The following PTPRJ variants were observed in gnomAD, a reference collection of about 807,000 sequenced individuals.
PTPRJ encodes receptor-type tyrosine-protein phosphatase eta.
In PTPRJ, 129 loss-of-function variants were observed where a neutral mutation model predicts 141.3. That is an observed-to-expected ratio of 0.91 (90% CI 0.79 to 1.06). PTPRJ has a LOEUF of 1.06. PTPRJ is among the 50% of genes least tolerant of loss of function. PTPRJ has a pLI of 0.00. For synonymous variants in PTPRJ, 610 were observed against 640.5 expected, an observed-to-expected ratio of 0.95 and a Z score of 0.72; for missense variants, 1,601 against 1,679.7, an observed-to-expected ratio of 0.95 and a Z score of 0.82.
At chr11:48,160,111 T>C in intron 22 of PTPRJ, 62 bp downstream of exon 22, 1 of 1,583,568 alleles carries the variant, frequency 6.3e-7, no homozygotes, top group East Asian at 2.2e-5. Context: ...TTGGGGGTGA[T>C]ATGTTTTAGG....
chr11:48,091,974 TCTGGAGTCCC>T (rs1174422584), intron 1 of PTPRJ, among the ~76,000 whole-genome samples: 1 of 152,110 alleles, frequency 6.6e-6, no homozygotes, highest in African/African-American at 2.4e-5. Context: ...AATTGTTATT[TCTGGAGTCCC>T]CTGGGTGCTG....
rs978558254 is a variant in PTPRJ at position 48,168,221 on chromosome 11, C to T, written c.*859C>T. 2 of 152,032 alleles carry T rather than the reference C, an allele frequency of 1.3e-5. No homozygotes were observed. The highest frequency in any genetic ancestry group is 4.8e-5 in the African/African-American group (2 of 41,378). 9.4% of individuals were successfully genotyped at this position (152,032 alleles called of 1,614,324 possible). On this transcript the variant is annotated 3_prime_UTR_variant, in exon 25 of 25. Coordinates refer to ENST00000418331, the MANE Select transcript of PTPRJ (RefSeq NM_002843.4). ...TTTCTGTGGGTGGGAATGGGAGAAG[C>T]AGAGGAATCCTACAGTGGCAGAAAT...
intron 1 of PTPRJ, among the ~76,000 whole-genome samples, chr11:48,078,189 G>T (rs571135648): frequency 1.3e-5 from 2 of 152,048 alleles, no homozygotes; most frequent in South Asian, 4.2e-4. Flanking sequence ...CTCCCAGGTA[G>T]CTGGGATGAC....
At position 48,124,971 on chromosome 11, in the gene PTPRJ, C is replaced by T. The variant is rs1856800382; in HGVS notation, c.878C>T (p.Ala293Val). 1 of 1,613,660 alleles carries T rather than the reference C, an allele frequency of 6.2e-7. No homozygotes were observed. The highest frequency in any genetic ancestry group is 1.7e-4 in the Middle Eastern group (1 of 5,894). Residue 293 changes from alanine to valine, a missense_variant, in exon 6 of 25, where the codon GCC becomes GTC. Physicochemically the swap from Ala to Val is moderately conservative, Grantham distance 64. Coordinates refer to ENST00000418331, the MANE Select transcript of PTPRJ (RefSeq NM_002843.4). ...TTGTCTCCTGTGCTTGAAACAGATG[C>T]CAGCAATACAGAGAGAAGCCGGGCA... is the stretch of plus-strand genomic sequence containing the variant. ...DPLGTEGGLD[A>V]SNTERSRAGS...
chr11:48,086,707 C>T (rs978108309), intron 1 of PTPRJ, among the ~76,000 whole-genome samples: 3 of 152,204 alleles, frequency 2.0e-5, no homozygotes, highest in Non-Finnish European at 2.9e-5. Flanking sequence ...CTGCGTCTCT[C>T]GACTGACCAG....
chr11:48,170,456 G>C lies in PTPRJ; in HGVS notation c.*3094G>C, dbSNP rs1298513955. On this transcript the variant is annotated 3_prime_UTR_variant, in exon 25 of 25. Transcript: ENST00000418331. ...GGGGGTCAGCTATGCAGCCCATCAC[G>C]TGTGTTTTTCATCTGGGATGAAAAA... The C allele has an allele frequency of 6.6e-6, 1 of 152,128 alleles. No homozygotes were observed. Among genetic ancestry groups the C allele is most frequent in the African/African-American group, 2.4e-5 (1 of 41,414 alleles). 9.4% of individuals were successfully genotyped at this position (152,128 alleles called of 1,614,324 possible). A position where few individuals can be genotyped will look rare whatever the true frequency, so the allele number is the denominator to read the frequency against.
Position 48,130,674 on chromosome 11 carries a change from A to G in PTPRJ, c.1573A>G (p.Asn525Asp). 1 of 1,614,022 alleles carries G rather than the reference A, an allele frequency of 6.2e-7. No individual in the cohort carries two copies. Among genetic ancestry groups the G allele is most frequent in the African/African-American group, 1.3e-5 (1 of 75,016 alleles). The change falls in exon 8 of 25, where the codon AAT (asparagine) becomes GAT (aspartate). Residue 525 changes from asparagine to aspartate, a missense_variant. By Grantham distance (23) the Asn-to-Asp change is conservative. Transcript: ENST00000418331. ...CTTTGAAATAGTTCCAAAAGGACCA[A>G]ATGGGACTGAAGGGGCATCTCGGAC... ...YCFEIVPKGP[N>D]GTEGASRTVC...
chr11:48,124,615 A>G (rs1856793036), intron 5 of PTPRJ, among the ~76,000 whole-genome samples: 1 of 152,134 alleles, frequency 6.6e-6, no homozygotes, highest in South Asian at 2.1e-4. Context: ...ACGTGTCTTG[A>G]GTGGGGTCTG....
chr11:48,014,142 C>T (rs185821456), intron 1 of PTPRJ, among the ~76,000 whole-genome samples: 127 of 152,244 alleles, frequency 8.3e-4, no homozygotes, highest in African/African-American at 3.0e-3. Flanking sequence ...GGGACTATCT[C>T]TCTATGGGGT....
At chr11:48,116,393 G>T (rs946266149) in intron 3 of PTPRJ, among the ~76,000 whole-genome samples, 3 of 152,200 alleles carry the variant, frequency 2.0e-5, no homozygotes, top group African/African-American at 7.2e-5. Context: ...AAATATATAT[G>T]CACCCAGCAT....
At chr11:48,160,631 T>G (rs1451630862) in intron 22 of PTPRJ, among the ~76,000 whole-genome samples, 2 of 152,186 alleles carry the variant, frequency 1.3e-5, no homozygotes, top group Non-Finnish European at 2.9e-5. Context: ...TTGATGGGTG[T>G]GTGCATTGGC....
At chr11:48,153,988 C>T in intron 19 of PTPRJ, 102 bp downstream of exon 19, 2 of 793,586 alleles carry the variant, frequency 2.5e-6, no homozygotes, top group Non-Finnish European at 4.3e-6. Context: ...TAACCACTTC[C>T]ACAACCATTC....
chr11:48,160,052 A>G lies in PTPRJ; in HGVS notation c.3558+3A>G, dbSNP rs1429168566. 6.2e-7 allele frequency: 1 copy of G among 1,613,720 alleles called. No individual in the cohort carries two copies. On this transcript the variant is annotated splice_donor_region_variant and intron_variant, in intron 22 of 24. Coordinates refer to ENST00000418331, the MANE Select transcript of PTPRJ (RefSeq NM_002843.4). ...TCAGAGATTTCACAGTGAAAAATGT[A>G]AGTAAGAAGTCAGGATCAGTTGAGC... is the stretch of plus-strand genomic sequence containing the variant.
rs763072219 is a variant in PTPRJ at position 48,137,079 on chromosome 11, C to A, written c.1950C>A (p.Asp650Glu). ...AATLSWQNFD[D>E]ASPTYSYCLL... The stretch of plus-strand genomic sequence containing the variant: ...CTTTAAGTTGGCAGAACTTTGATGA[C>A]GCCTCTCCCACGTACTCCTACTGCC... Residue 650 changes from aspartate to glutamate, a missense_variant, in exon 10 of 25, where the codon GAC (aspartate) becomes GAA (glutamate). Coordinates refer to ENST00000418331, the MANE Select transcript of PTPRJ (RefSeq NM_002843.4). 5.0e-6 allele frequency: 8 copies of A among 1,603,860 alleles called. No homozygotes were observed. Among genetic ancestry groups the A allele is most frequent in the Non-Finnish European group, 6.8e-6 (8 of 1,170,786 alleles).
At chr11:48,109,832 G>A (rs1006372842) in intron 1 of PTPRJ, among the ~76,000 whole-genome samples, 1 of 152,130 alleles carries the variant, frequency 6.6e-6, no homozygotes, top group African/African-American at 2.4e-5. Flanking sequence ...GTCAGCAGCC[G>A]CCAGCCCCCA....
chr11:48,123,832 A>T lies in PTPRJ; in HGVS notation c.836A>T (p.Lys279Met). 6.2e-7 allele frequency: 1 copy of T among 1,614,134 alleles called. No homozygotes were observed. The highest frequency in any genetic ancestry group is 8.5e-7 in the Non-Finnish European group (1 of 1,179,982). The change falls in exon 5 of 25, where the codon AAG becomes ATG. Residue 279 changes from lysine (K) to methionine (M), a missense_variant. Coordinates refer to ENST00000418331, the MANE Select transcript of PTPRJ (RefSeq NM_002843.4). ...NINPYLLQSN[K>M]TKGDPLGTEG... The stretch of plus-strand genomic sequence containing the variant: ...AACCCGTATCTTCTACAATCAAATA[A>T]GACAAAGGGAGACCCCTTGGGCACA...
Position 48,155,887 on chromosome 11 carries a change from A to C in PTPRJ, c.3303+13A>C, listed in dbSNP as rs1268074224. Reference sequence around the variant, plus strand: ...CAACTACATGCCTGTAAGTTGGGGGACGGTCTCACAGCACTGGACTGTTTC... The same window carrying C: ...CAACTACATGCCTGTAAGTTGGGGGCCGGTCTCACAGCACTGGACTGTTTC... On this transcript the variant is annotated intron_variant, in intron 20 of 24. Coordinates refer to ENST00000418331, the MANE Select transcript of PTPRJ (RefSeq NM_002843.4). 2.5e-6 allele frequency: 4 copies of C among 1,595,950 alleles called. No individual in the cohort carries two copies. Among genetic ancestry groups the C allele is most frequent in the Non-Finnish European group, 3.4e-6 (4 of 1,163,820 alleles).
intron 19 of PTPRJ, 53 bp downstream of exon 19, chr11:48,153,939 A>G: frequency 1.6e-6 from 2 of 1,259,950 alleles, no homozygotes; most frequent in Non-Finnish European, 1.2e-6. Context: ...TGGCCATCAC[A>G]TCTCTAAGTG....
chr11:48,136,229 T>A lies in PTPRJ; in HGVS notation c.1806T>A (p.Tyr602Ter). ...TLQGLIPGTL[Y>*]NITISPEVDH... ...AGGGCCTGATTCCGGGCACCTTATA[T>A]AACATCACCATCTCTCCAGAAGTGG... Residue 602 changes from tyrosine (Y) to a stop codon, truncating the protein, a stop_gained, in exon 9 of 25, where the codon TAT becomes TAA. Coordinates refer to ENST00000418331, the MANE Select transcript of PTPRJ (RefSeq NM_002843.4). LOFTEE classifies it high-confidence loss of function. The A allele has an allele frequency of 6.2e-7, 1 of 1,614,204 alleles. No individual in the cohort carries two copies. The highest frequency in any genetic ancestry group is 1.1e-5 in the South Asian group (1 of 91,086).
Sources: allele counts gnomAD v4.1 joint callset (sites outside exome capture counted in the v4.1 genomes callset), GRCh38; gene constraint gnomAD v4.1.1; transcripts MANE v1.5; gene names NCBI Gene and HGNC (gene_info 2026-07-23, HGNC 2026-07-21).